The following EXOC4 variants were observed in gnomAD, a reference collection of about 807,000 sequenced individuals.
EXOC4 encodes exocyst complex component 4, also known as SEC8-like 1.
In EXOC4, 71 loss-of-function variants were observed where a neutral mutation model predicts 107.2. That is an observed-to-expected ratio of 0.66 (90% CI 0.55 to 0.81). EXOC4 has a LOEUF of 0.81. Ranked by LOEUF, EXOC4 falls within the 30% of genes least tolerant of loss-of-function variation. The probability of loss-of-function intolerance (pLI) is 0.00; values close to 1 mark genes in which losing one functional copy is unlikely to be tolerated. For synonymous variants in EXOC4, 456 were observed against 441.2 expected (o/e 1.03, Z -0.42); for missense variants, 1,108 against 1,189.6 (o/e 0.93, Z 1.01).
chr7:133,294,412 A>G (rs988103832), intron 3 of EXOC4, among the ~76,000 whole-genome samples: 3 of 152,188 alleles, frequency 2.0e-5, no homozygotes, highest in African/African-American at 7.2e-5. Context: ...AAACCAAGCC[A>G]GTGCAAATAG....
At chr7:133,747,106 G>T (rs1021809069) in intron 10 of EXOC4, among the ~76,000 whole-genome samples, 1 of 152,088 alleles carries the variant, frequency 6.6e-6, no homozygotes, top group Admixed American at 6.6e-5. Flanking sequence ...CCACTTCTCT[G>T]AATCTTTGGT....
chr7:133,386,990 T>C (rs1796742178), intron 7 of EXOC4, among the ~76,000 whole-genome samples: 1 of 152,250 alleles, frequency 6.6e-6, no homozygotes, highest in African/African-American at 2.4e-5. Context: ...TGAAGTCTTC[T>C]GGATTCTGTT....
intron 7 of EXOC4, among the ~76,000 whole-genome samples, chr7:133,378,219 A>T (rs1796532148): frequency 6.6e-6 from 1 of 151,268 alleles, no homozygotes. Flanking sequence ...GCTGAGGCAG[A>T]GAATTGCTTG....
chr7:133,501,638 CAAGGGA>C (rs991542393), intron 9 of EXOC4, among the ~76,000 whole-genome samples: 2 of 152,036 alleles, frequency 1.3e-5, no homozygotes, highest in African/African-American at 4.8e-5. Flanking sequence ...GAAAAAATGT[CAAGGGA>C]AACCTCTTTA....
intron 14 of EXOC4, among the ~76,000 whole-genome samples, chr7:133,941,521 C>T (rs1800427635): frequency 6.6e-6 from 1 of 152,146 alleles, no homozygotes; most frequent in African/African-American, 2.4e-5. Context: ...AAATGTTTCT[C>T]TATCTCCTTT....
At chr7:134,048,739 G>A (rs1795715752) in intron 17 of EXOC4, among the ~76,000 whole-genome samples, 1 of 152,204 alleles carries the variant, frequency 6.6e-6, no homozygotes, top group African/African-American at 2.4e-5. Context: ...CTAGAGGTGA[G>A]AGCCTGATGT....
At chr7:133,650,962 T>TTTTTG (rs71162015) in intron 10 of EXOC4, among the ~76,000 whole-genome samples, 2 of 122,816 alleles carry the variant, frequency 1.6e-5, no homozygotes, top group African/African-American at 6.1e-5. Context: ...TTTTTTTTTT[T>TTTTTG]GGAATGGGCA....
chr7:133,429,840 G>A (rs534383985), intron 7 of EXOC4, among the ~76,000 whole-genome samples: 1 of 152,346 alleles, frequency 6.6e-6, no homozygotes, highest in South Asian at 2.1e-4. Context: ...CCCCTCATGG[G>A]ACTTGTGATG....
At chr7:133,750,183 TC>T (rs1312868426) in intron 10 of EXOC4, among the ~76,000 whole-genome samples, 3 of 152,058 alleles carry the variant, frequency 2.0e-5, no homozygotes, top group African/African-American at 7.2e-5. Context: ...CTCCACTACA[TC>T]CACTTCCCAT....
At chr7:133,874,715 A>G (rs1356694110) in intron 11 of EXOC4, among the ~76,000 whole-genome samples, 1 of 152,240 alleles carries the variant, frequency 6.6e-6, no homozygotes, top group Non-Finnish European at 1.5e-5. Flanking sequence ...AGCGGAACAA[A>G]TGTATATGTA....
At chr7:133,512,090 A>G (rs1799780845) in intron 9 of EXOC4, among the ~76,000 whole-genome samples, 1 of 152,184 alleles carries the variant, frequency 6.6e-6, no homozygotes, top group Admixed American at 6.5e-5. Context: ...ATATCACACA[A>G]ATAGTTGTTA....
chr7:133,488,761 A>G (rs1452769769), intron 9 of EXOC4, among the ~76,000 whole-genome samples: 3 of 152,176 alleles, frequency 2.0e-5, no homozygotes, highest in Non-Finnish European at 2.9e-5. Context: ...AAGGATGGAT[A>G]TGTAAGTTGT....
At chr7:133,968,515 A>C (rs754739329) in intron 14 of EXOC4, among the ~76,000 whole-genome samples, 2 of 151,178 alleles carry the variant, frequency 1.3e-5, no homozygotes, top group Non-Finnish European at 2.9e-5. Context: ...TCCTTCAGGA[A>C]CTCTTGTAAG....
chr7:134,023,578 G>A (rs1457806766), intron 17 of EXOC4, among the ~76,000 whole-genome samples: 1 of 152,002 alleles, frequency 6.6e-6, no homozygotes, highest in Middle Eastern at 3.2e-3. Flanking sequence ...TTGCAAATGG[G>A]AAAACTCAAA....
At chr7:133,414,465 G>A (rs1797429471) in intron 7 of EXOC4, among the ~76,000 whole-genome samples, 1 of 152,134 alleles carries the variant, frequency 6.6e-6, no homozygotes, top group Non-Finnish European at 1.5e-5. Context: ...CTGCCTTTAT[G>A]TGTTAGCCTA....
At position 133,497,811 on chromosome 7, in the gene EXOC4, G is replaced by A. The variant is rs557017077; in HGVS notation, c.1417+17673G>A. Among the ~76,000 whole-genome samples the A allele has an allele frequency of 5.9e-5, 9 of 152,232 alleles. No homozygotes were observed. The South Asian group carries it at 1.7e-3, about 28-fold the overall frequency. On this transcript the variant is annotated intron_variant, in intron 9 of 17. Transcript: ENST00000253861. ...GCAGGGATATCACTATACTAATGAG[G>A]AAGACATGTCTATCAGTCTTAAAAT... is the stretch of plus-strand genomic sequence containing the variant.
intron 7 of EXOC4, among the ~76,000 whole-genome samples, chr7:133,405,416 A>G (rs1797194335): frequency 6.6e-6 from 1 of 152,152 alleles, no homozygotes; most frequent in African/African-American, 2.4e-5. Flanking sequence ...TGGTTTCTCT[A>G]TTTAGATCAT....
chr7:133,631,143 G>T (rs998925385), intron 10 of EXOC4, among the ~76,000 whole-genome samples: 1 of 152,064 alleles, frequency 6.6e-6, no homozygotes, highest in Non-Finnish European at 1.5e-5. Flanking sequence ...TGTTTTCTCT[G>T]TAAAGAACCA....
chr7:133,759,571 A>G (rs567326713), intron 10 of EXOC4, among the ~76,000 whole-genome samples: 2 of 152,360 alleles, frequency 1.3e-5, no homozygotes, highest in South Asian at 4.1e-4. Context: ...TTTCATGGTT[A>G]CATGACTAGT....
Sources: allele counts gnomAD v4.1 joint callset (sites outside exome capture counted in the v4.1 genomes callset), GRCh38; gene constraint gnomAD v4.1.1; transcripts MANE v1.5; gene names NCBI Gene and HGNC (gene_info 2026-07-23, HGNC 2026-07-21).